RP1: variants seen among roughly 807,000 people sequenced by gnomAD.
RP1 encodes RP1 axonemal microtubule associated.
A neutral mutation model predicts 14.8 loss-of-function variants in RP1; 16 were observed. The ratio of observed to expected loss-of-function variants is 1.08; its 90% CI spans 0.73 to 1.65. The LOEUF (loss-of-function observed/expected upper bound fraction) is 1.65. Ranked by LOEUF, RP1 falls within the 40% of genes most tolerant of loss-of-function variation. The probability of loss-of-function intolerance (pLI) is 0.00; values close to 1 mark genes in which losing one functional copy is unlikely to be tolerated. For missense variants in RP1, 2,631 were observed against 2,535.0 expected (o/e 1.04, Z -0.81); for synonymous variants, 876 against 883.6 (o/e 0.99, Z 0.15).
intron 24 of RP1, among the ~76,000 whole-genome samples, chr8:54,795,841 T>C (rs538640065): frequency 1.3e-4 from 20 of 152,100 alleles, no homozygotes; most frequent in Non-Finnish European, 2.5e-4. Flanking sequence ...GCCAACAGGC[T>C]TATGTTTTTC....
chr8:54,795,442 G>T (rs1017955388), intron 24 of RP1, among the ~76,000 whole-genome samples: 1 of 152,080 alleles, frequency 6.6e-6, no homozygotes, highest in African/African-American at 2.4e-5. Context: ...TTTCAGAAGG[G>T]TTAAATTTCC....
chr8:54,759,978 G>A (rs896007104), intron 22 of RP1, among the ~76,000 whole-genome samples: 18 of 152,210 alleles, frequency 1.2e-4, no homozygotes, highest in African/African-American at 4.3e-4. Context: ...AGGCAAAATA[G>A]GGGCAAGCAG....
chr8:54,703,408 T>C (rs918069142), intron 14 of RP1, among the ~76,000 whole-genome samples: 1 of 152,190 alleles, frequency 6.6e-6, no homozygotes, highest in Non-Finnish European at 1.5e-5. Flanking sequence ...ATATTTTAAA[T>C]TGTTTTTCTT....
chr8:54,566,127 ACT>A (rs547429989), intron 1 of RP1, among the ~76,000 whole-genome samples: 9 of 151,678 alleles, frequency 5.9e-5, no homozygotes, highest in Admixed American at 5.3e-4. Context: ...ATCTGCAAAG[ACT>A]CTATTTTTCA....
chr8:54,863,533 TATGTATGATACG>T (rs1563399938), intron 27 of RP1, among the ~76,000 whole-genome samples: 1 of 152,256 alleles, frequency 6.6e-6, no homozygotes, highest in African/African-American at 2.4e-5. Flanking sequence ...AATTGATTTC[TATGTATGATACG>T]AGGATGGAAT....
At chr8:54,722,262 TGG>T (rs1274798531) in intron 16 of RP1, among the ~76,000 whole-genome samples, 4 of 123,538 alleles carry the variant, frequency 3.2e-5, no homozygotes, top group Non-Finnish European at 6.7e-5. Flanking sequence ...TATTTTAGAA[TGG>T]TTTTTTTTTT....
chr8:54,778,898 C>T (rs4737201), intron 23 of RP1, among the ~76,000 whole-genome samples: 44,913 of 151,846 alleles, frequency 0.3, 7,055 homozygotes, highest in East Asian at 0.49. Context: ...ACAGGCATAC[C>T]AATCTATATG....
chr8:54,706,623 C>CT lies in RP1; in HGVS notation c.2180dup (p.Arg728LysfsTer16). On this transcript the variant is annotated frameshift_variant, in exon 15 of 23. Transcript: ENST00000636932. LOFTEE classifies it high-confidence loss of function. ...AAGTGTGAAAAATGCACAAATGTAT[C>CT]TAAGAATCAAGGATGGCCGATGCGA... 2.6e-6 allele frequency: 4 copies of CT among 1,536,044 alleles called. No homozygotes were observed. The highest frequency in any genetic ancestry group is 3.5e-6 in the Non-Finnish European group (4 of 1,146,874).
chr8:54,755,664 C>A (rs1471570403), exon 21 of RP1: 12 of 1,535,844 alleles, frequency 7.8e-6, no homozygotes, highest in Non-Finnish European at 1.0e-5. Flanking sequence ...CTGAAGCATG[C>A]AGAGACGGAG....
chr8:54,807,138 A>G (rs945670081), intron 24 of RP1, among the ~76,000 whole-genome samples: 1 of 152,210 alleles, frequency 6.6e-6, no homozygotes, highest in Non-Finnish European at 1.5e-5. Flanking sequence ...GTTATGAGGT[A>G]GGATGCAAAA....
intron 25 of RP1, among the ~76,000 whole-genome samples, chr8:54,841,207 T>C (rs1172098301): frequency 6.6e-6 from 1 of 152,188 alleles, no homozygotes; most frequent in Non-Finnish European, 1.5e-5. Context: ...GATTTGGCTT[T>C]GAGAAGAGAA....
Position 54,602,402 on chromosome 8 carries a change from T to C in RP1, c.-12-18553T>C, listed in dbSNP as rs185392707. 8.2e-3 allele frequency among the ~76,000 whole-genome samples: 1,251 copies of C among 152,350 alleles called. 6 individuals carry two copies. Among genetic ancestry groups the C allele is most frequent in the Middle Eastern group, 0.037 (11 of 294 alleles). The stretch of plus-strand genomic sequence containing the variant: ...TATGGCTGCATAGTATTCCAAGGTG[T>C]ATATGTGCCACATTTTCTTGATCCA... On this transcript the variant is annotated intron_variant, in intron 1 of 22. Coordinates refer to the RP1 transcript ENST00000636932.
intron 23 of RP1, among the ~76,000 whole-genome samples, chr8:54,783,171 G>T (rs1175533078): frequency 6.6e-6 from 1 of 152,086 alleles, no homozygotes; most frequent in South Asian, 2.1e-4. Flanking sequence ...TACAGATGAT[G>T]CCTTAACATC....
At chr8:54,678,487 G>A in exon 9 of RP1, 2 of 1,534,494 alleles carry the variant, frequency 1.3e-6, no homozygotes, top group African/African-American at 1.4e-5. Flanking sequence ...TGATGATGTT[G>A]TTATCAAGGA....
At chr8:54,582,597 G>C (rs1804822590) in intron 1 of RP1, among the ~76,000 whole-genome samples, 1 of 152,094 alleles carries the variant, frequency 6.6e-6, no homozygotes, top group South Asian at 2.1e-4. Flanking sequence ...CTTGAGCAGT[G>C]TGGCCATTTT....
At position 54,629,477 on chromosome 8, in the gene RP1, A is replaced by G. The variant is rs769166240; in HGVS notation, c.5595A>G (p.Thr1865=). 8 of 1,614,156 alleles carry G rather than the reference A, an allele frequency of 5.0e-6. No individual in the cohort carries two copies. The South Asian group carries it at 8.8e-5, about 18-fold the overall frequency. ...KGSHQSERVC[T]SVTHSFISAG... is the part of the protein sequence containing the mutation. The stretch of plus-strand genomic sequence containing the variant: ...GTCATCAGTCAGAAAGAGTATGCAC[A>G]TCTGTCACTCATTCCTTTATTTCTG... Residue 1865 remains threonine, a synonymous_variant, in exon 4 of 4, where the codon ACA becomes ACG. Coordinates refer to ENST00000220676, the MANE Select transcript of RP1 (RefSeq NM_006269.2).
rs187773013 is a variant in RP1 at position 54,667,585 on chromosome 8, T to C, written c.1323+3735T>C. Reference sequence around the variant, plus strand: ...TGCAGTGCTATTTCTGGGATGTGGTTTGCGGCAGGAGCTTATCTCAGCTTT... The same window carrying C: ...TGCAGTGCTATTTCTGGGATGTGGTCTGCGGCAGGAGCTTATCTCAGCTTT... On this transcript the variant is annotated intron_variant, in intron 7 of 22. Transcript: ENST00000636932. Among the ~76,000 whole-genome samples the C allele has an allele frequency of 3.3e-5, 5 of 152,264 alleles. No homozygotes were observed. The East Asian group carries it at 7.7e-4, about 24-fold the overall frequency.
intron 3 of RP1, among the ~76,000 whole-genome samples, chr8:54,641,149 G>A (rs989677087): frequency 1.3e-5 from 2 of 151,914 alleles, no homozygotes; most frequent in African/African-American, 4.8e-5. Flanking sequence ...GTTTCACTGT[G>A]TTAGTCAGGA....
At chr8:54,611,887 CCCTTCCTT>C (rs370167305), upstream of RP1, among the ~76,000 whole-genome samples, 38 of 132,360 alleles carry the variant, frequency 2.9e-4, no homozygotes, top group Admixed American at 1.1e-3. Flanking sequence ...CTCCCTCTCT[CCCTTCCTT>C]CCTTCCTTCC....
Sources: allele counts gnomAD v4.1 joint callset (sites outside exome capture counted in the v4.1 genomes callset), GRCh38; gene constraint gnomAD v4.1.1; transcripts MANE v1.5; gene names NCBI Gene and HGNC (gene_info 2026-07-23, HGNC 2026-07-21).